The following TMEM223 variants were observed in gnomAD, a reference collection of about 807,000 sequenced individuals.
TMEM223 encodes the protein transmembrane protein 223.
A neutral mutation model predicts 14.1 loss-of-function variants in TMEM223; 14 were observed. The observed-to-expected ratio is 0.99, with a 90% CI of 0.66 to 1.55. TMEM223 has a LOEUF of 1.55. Ranked by LOEUF, TMEM223 falls within the 40% of genes most tolerant of loss-of-function variation. The pLI is 0.00. For synonymous variants in TMEM223, 145 were observed against 120.5 expected (o/e 1.20, Z -1.33); for missense variants, 346 against 269.9 (o/e 1.28, Z -1.97).
intron 1 of TMEM223, among the ~76,000 whole-genome samples, chr11:62,781,272 T>G (rs905700214): frequency 6.6e-6 from 1 of 151,562 alleles, no homozygotes; most frequent in African/African-American, 2.4e-5. Context: ...CTGAAAAGTC[T>G]ATTCCTCCAC....
intron 1 of TMEM223, 146 bp downstream of exon 1, chr11:62,791,533 G>A: frequency 1.8e-6 from 2 of 1,092,166 alleles, no homozygotes; most frequent in South Asian, 3.4e-5. Flanking sequence ...TTGAGCCGCC[G>A]CGCCCGGCCA....
In TMEM223 at chr11:62,790,095, C is replaced by T. The variant is rs780235439; in HGVS notation, c.*528G>A. On this transcript the variant is annotated 3_prime_UTR_variant, in exon 2 of 2. Transcript: ENST00000307366. ...CAGCCGAAGACTCCATGCCCAAGTG[C>T]CTGTAATCCCCCCCCTCAAGGCCCT... 18 of 1,520,916 alleles carry T rather than the reference C, an allele frequency of 1.2e-5. No homozygotes were observed. The highest frequency in any genetic ancestry group is 7.0e-5 in the African/African-American group (5 of 71,828). 94.2% of individuals were successfully genotyped at this position (1,520,916 alleles called of 1,614,324 possible). A position where few individuals can be genotyped will look rare whatever the true frequency, so the allele number is the denominator to read the frequency against.
Position 62,790,844 on chromosome 11 carries a change from C to T in TMEM223, c.388G>A (p.Gly130Arg). 2 of 1,604,880 alleles carry T rather than the reference C, an allele frequency of 1.2e-6. No individual in the cohort carries two copies. Among genetic ancestry groups the T allele is most frequent in the Middle Eastern group, 1.7e-4 (1 of 6,056 alleles). Reference sequence around the variant, plus strand: ...TGAGTGGTGAGGGTCACCTGCTGCCCTCCAGCTCGAAGCACCACTGAGCGC... The same window carrying T: ...TGAGTGGTGAGGGTCACCTGCTGCCTTCCAGCTCGAAGCACCACTGAGCGC... ...SVRSVVLRAG[G>R]QQVTLTTHAP... is the part of the protein sequence containing the mutation. The change falls in exon 2 of 2, where the codon GGG becomes AGG. Residue 130 changes from glycine (G) to arginine (R), a missense_variant. By Grantham distance (125) the Gly-to-Arg change is moderately radical (BLOSUM62 -2). Transcript: ENST00000307366.
At chr11:62,776,480 G>C (rs762857884) in intron 1 of TMEM223, 42 of 1,612,966 alleles carry the variant, frequency 2.6e-5, no homozygotes, top group Non-Finnish European at 3.4e-6. Context: ...GGTGAGTGGG[G>C]TGCAGGCTAC....
At chr11:62,786,131 A>C, downstream of TMEM223, 3 of 1,179,404 alleles carry the variant, frequency 2.5e-6, no homozygotes, top group Non-Finnish European at 3.6e-6. Context: ...GAATATGCCA[A>C]TCAGGGAATT....
downstream of TMEM223, among the ~76,000 whole-genome samples, chr11:62,784,164 A>G (rs2084252629): frequency 6.9e-6 from 1 of 143,970 alleles, no homozygotes; most frequent in Non-Finnish European, 1.5e-5. Flanking sequence ...TAATTTTTGT[A>G]TTTTTAGTAG....
rs192699407 is a variant in TMEM223, at chr11:62,790,134, G to A, written c.*489C>T. 4.8e-3 allele frequency: 4,961 copies of A among 1,043,338 alleles called. 20 individuals are homozygous for A. Among genetic ancestry groups the A allele is most frequent in the Non-Finnish European group, 6.1e-3 (4,624 of 753,604 alleles). 64.6% of individuals were successfully genotyped at this position (1,043,338 alleles called of 1,614,324 possible). ...CCTCAAGGCCCTGTTTATGTTGGGA[G>A]TCTTAGTTTTCCTTTCGTTGGGGGG... On this transcript the variant is annotated 3_prime_UTR_variant, in exon 2 of 2. Transcript: ENST00000307366.
downstream of TMEM223, chr11:62,789,909 A>G: frequency 6.2e-7 from 1 of 1,613,876 alleles, no homozygotes; most frequent in Non-Finnish European, 8.5e-7. Context: ...TGAATTTGGT[A>G]TTGTGGTGTG....
In TMEM223 at chr11:62,790,454, T is replaced by TTAA; in HGVS notation, c.*168_*169insTTA. 1 of 601,330 alleles carries TTAA rather than the reference T, an allele frequency of 1.7e-6. No homozygotes were observed. The highest frequency in any genetic ancestry group is 1.9e-5 in the African/African-American group (1 of 53,196). The allele number at this position is 601,330 out of a possible 1,614,324, so 37.2% of individuals were successfully genotyped here. On this transcript the variant is annotated 3_prime_UTR_variant, in exon 2 of 2. Coordinates refer to ENST00000307366, the MANE Select transcript of TMEM223 (RefSeq NM_001080501.3). Reference sequence around the variant, plus strand: ...GCGTTTTTTTTTGTTTTTTTTTTTGTAAATAGAGACAAGGTCTCGCTATGT... The same window carrying TTAA: ...GCGTTTTTTTTTGTTTTTTTTTTTGTTAAAAATAGAGACAAGGTCTCGCTATGT...
Position 62,790,700 on chromosome 11 carries a change from AAT to A in TMEM223, c.530_531del (p.Tyr177PhefsTer11), listed in dbSNP as rs779084386. 2 of 1,612,074 alleles carry A rather than the reference AAT, an allele frequency of 1.2e-6. No individual in the cohort carries two copies. The highest frequency in any genetic ancestry group is 2.7e-5 in the African/African-American group (2 of 74,926). On this transcript the variant is annotated frameshift_variant, in exon 2 of 2. Transcript: ENST00000307366. LOFTEE classifies it high-confidence loss of function. ...LPLKVKGRRF[Y>X]FLLDKTGHFP... ...AAGTGTCCAGTTTTGTCCAAGAGGA[AAT>A]AGAAGCGTCGGCCTTTGACTTTCAG... is the stretch of plus-strand genomic sequence containing the variant.
chr11:62,781,718 T>C (rs1477332665), intron 1 of TMEM223: 1 of 600,912 alleles, frequency 1.7e-6, no homozygotes, highest in Non-Finnish European at 3.0e-6. Flanking sequence ...TATGCAGGTA[T>C]ATGTGAATGA....
At chr11:62,787,145 G>C, downstream of TMEM223, 1 of 1,568,978 alleles carries the variant, frequency 6.4e-7, no homozygotes. Context: ...GGGAGGCGCT[G>C]CCGCGGGCGC....
chr11:62,787,477 G>C (rs760534553), downstream of TMEM223: 11 of 1,577,768 alleles, frequency 7.0e-6, no homozygotes, highest in Non-Finnish European at 9.4e-6. Flanking sequence ...GCTCTTTGCT[G>C]CCGCCTTCCT....
chr11:62,781,815 A>G (rs1431638402), intron 1 of TMEM223: 7 of 1,177,794 alleles, frequency 5.9e-6, no homozygotes, highest in South Asian at 1.2e-5. Context: ...AAGGTGATAC[A>G]CTGTCTTCCA....
At chr11:62,789,562 C>T (rs59316522), downstream of TMEM223, 3 of 1,551,378 alleles carry the variant, frequency 1.9e-6, no homozygotes, top group African/African-American at 4.1e-5. Flanking sequence ...CGGATATAAA[C>T]TATCACGCTT....
At chr11:62,785,959 G>A (rs902531928), downstream of TMEM223, 3 of 252,768 alleles carry the variant, frequency 1.2e-5, no homozygotes, top group East Asian at 7.8e-5. Context: ...ATTGTATAGG[G>A]TAGCAGTATG....
chr11:62,786,898 A>C, downstream of TMEM223: 1 of 1,547,884 alleles, frequency 6.5e-7, no homozygotes, highest in Non-Finnish European at 8.6e-7. Context: ...GCTGACGGCA[A>C]GCGCCATAGT....
chr11:62,779,484 C>T lies in TMEM223; in HGVS notation c.315-4819G>A, dbSNP rs1008873469. On this transcript the variant is annotated intron_variant, in intron 1 of 2. Coordinates refer to the TMEM223 transcript ENST00000528367. ...TGCTGGGATTACAAGTGTGAGCCACCGTGCCCAGCCTTATATTTTTAATAG... is the reference window on the plus strand; with the variant it reads ...TGCTGGGATTACAAGTGTGAGCCACTGTGCCCAGCCTTATATTTTTAATAG... Among the ~76,000 whole-genome samples, 3 of 151,648 alleles carry T rather than the reference C, an allele frequency of 2.0e-5. No homozygotes were observed. In the East Asian group the frequency reaches 5.8e-4, roughly 29 times the overall value.
chr11:62,786,942 C>T (rs1217821301), downstream of TMEM223: 2 of 1,458,280 alleles, frequency 1.4e-6, no homozygotes, highest in African/African-American at 1.5e-5. Flanking sequence ...CCCGGGGCAG[C>T]GGCGGAGGCG....
Sources: gnomAD v4.1 joint callset for allele counts (sites outside exome capture counted in the v4.1 genomes callset) on GRCh38, gnomAD v4.1.1 for gene constraint, MANE v1.5 for transcripts, NCBI Gene and HGNC (gene_info 2026-07-23, HGNC 2026-07-21) for gene names.